Variants in KIF16B observed in about 807,000 individuals in gnomAD.
The protein encoded by KIF16B is kinesin-like protein KIF16B.
In KIF16B, 98 loss-of-function variants were observed where a neutral mutation model predicts 156.3. The observed-to-expected ratio is 0.63, with a 90% CI of 0.53 to 0.74. The LOEUF (loss-of-function observed/expected upper bound fraction) is 0.74, where lower values mean the gene tolerates loss of function less well. Ranked by LOEUF, KIF16B falls within the 30% of genes least tolerant of loss-of-function variation. The pLI is 0.00. For synonymous variants in KIF16B, 564 were observed against 583.7 expected, an observed-to-expected ratio of 0.97 and a Z score of 0.49; for missense variants, 1,421 against 1,606.5, an observed-to-expected ratio of 0.88 and a Z score of 1.97.
chr20:16,423,289 T>C (rs2066270329), intron 15 of KIF16B, among the ~76,000 whole-genome samples: 1 of 152,172 alleles, frequency 6.6e-6, no homozygotes, highest in Admixed American at 6.6e-5. Flanking sequence ...TGACTAGTTC[T>C]GTGGCAGAGT....
chr20:16,273,525 T>G, intron 25 of KIF16B, 114 bp from the exon 26 acceptor site: 1 of 774,332 alleles, frequency 1.3e-6, no homozygotes, highest in Non-Finnish European at 2.1e-6. Flanking sequence ...ACCTCATCTC[T>G]ACAAAAAATA....
chr20:16,394,001 G>A (rs1478517081), intron 17 of KIF16B, among the ~76,000 whole-genome samples: 3 of 152,206 alleles, frequency 2.0e-5, no homozygotes, highest in Non-Finnish European at 4.4e-5. Flanking sequence ...ACAAATTACA[G>A]AGCCGGTGAC....
At chr20:16,448,537 C>T (rs2066994763) in intron 12 of KIF16B, among the ~76,000 whole-genome samples, 1 of 152,110 alleles carries the variant, frequency 6.6e-6, no homozygotes, top group African/African-American at 2.4e-5. Context: ...TCCTCCTGGG[C>T]CTGGACAGGC....
chr20:16,544,880 TG>T (rs1179630449), intron 1 of KIF16B, among the ~76,000 whole-genome samples: 1 of 152,204 alleles, frequency 6.6e-6, no homozygotes, highest in Non-Finnish European at 1.5e-5. Context: ...AATGAATGAA[TG>T]TATAAGCACA....
chr20:16,470,403 G>A (rs1053662977), intron 12 of KIF16B, among the ~76,000 whole-genome samples: 2 of 152,132 alleles, frequency 1.3e-5, no homozygotes, highest in South Asian at 2.1e-4. Flanking sequence ...GGTGAGGGAT[G>A]GCAACAATGG....
intron 12 of KIF16B, among the ~76,000 whole-genome samples, chr20:16,457,835 CGGCACACT>C (rs1252442618): frequency 6.6e-6 from 1 of 151,828 alleles, no homozygotes; most frequent in Non-Finnish European, 1.5e-5. Flanking sequence ...TTAGCCACGC[CGGCACACT>C]GGTCCAAGAT....
At chr20:16,334,308 C>T (rs888810649) in intron 24 of KIF16B, among the ~76,000 whole-genome samples, 2 of 152,190 alleles carry the variant, frequency 1.3e-5, no homozygotes, top group African/African-American at 2.4e-5. Context: ...AGCTGCAAAG[C>T]TCACTTTAAA....
At position 16,374,322 on chromosome 20, in the gene KIF16B, CT is replaced by C; in HGVS notation, c.3284del (p.Lys1095ArgfsTer42). Reference protein sequence around the residue: ...QKDHHGTLEGKVASSSLPVSA... With the variant: ...QKDHHGTLEGXVASSSLPVSA... ...TGACTGGCAAGCTGGAAGAAGCCAC[CT>C]TCCCTTCCAGGGTCCCATGATGATC... On this transcript the variant is annotated frameshift_variant, in exon 20 of 26. Transcript: ENST00000354981. LOFTEE classifies it high-confidence loss of function. 1 of 1,605,368 alleles carries C rather than the reference CT, an allele frequency of 6.2e-7. No individual in the cohort carries two copies. Among genetic ancestry groups the C allele is most frequent in the Non-Finnish European group, 8.5e-7 (1 of 1,174,740 alleles).
intron 12 of KIF16B, among the ~76,000 whole-genome samples, chr20:16,442,205 C>T (rs898076769): frequency 3.9e-5 from 6 of 151,982 alleles, no homozygotes; most frequent in African/African-American, 9.7e-5. Context: ...AGCATGGTGA[C>T]TATACTTAAT....
At chr20:16,573,159 G>C in intron 1 of KIF16B, 70 bp downstream of exon 1, 3 of 1,433,956 alleles carry the variant, frequency 2.1e-6, no homozygotes, top group Non-Finnish European at 2.9e-6. Flanking sequence ...CTGGCTTTGG[G>C]GGAGCTGGAA....
At chr20:16,368,836 G>A (rs970480338) in intron 22 of KIF16B, 2 of 985,772 alleles carry the variant, frequency 2.0e-6, no homozygotes, top group African/African-American at 1.7e-5. Flanking sequence ...TTCTTGGGAC[G>A]TATGTTGCAG....
chr20:16,549,930 G>C (rs1451083956), intron 1 of KIF16B, among the ~76,000 whole-genome samples: 1 of 54,748 alleles, frequency 1.8e-5, no homozygotes, highest in Non-Finnish European at 3.5e-5. Flanking sequence ...TCAGGACATA[G>C]GCATGGGCAA....
At chr20:16,288,883 G>C (rs1321247212) in intron 25 of KIF16B, among the ~76,000 whole-genome samples, 1 of 150,176 alleles carries the variant, frequency 6.7e-6, no homozygotes, top group Non-Finnish European at 1.5e-5. Flanking sequence ...AGTAAACACA[G>C]TACGTACTGG....
At chr20:16,421,930 C>T (rs111848384) in intron 15 of KIF16B, among the ~76,000 whole-genome samples, 15 of 151,998 alleles carry the variant, frequency 9.9e-5, no homozygotes, top group African/African-American at 3.4e-4. Context: ...AAGACAATTC[C>T]GACAATTAAC....
At chr20:16,503,541 C>T (rs764666727) in intron 10 of KIF16B, among the ~76,000 whole-genome samples, 5 of 152,154 alleles carry the variant, frequency 3.3e-5, no homozygotes, top group Non-Finnish European at 4.4e-5. Flanking sequence ...AGCACTGCTC[C>T]AACGGGACCA....
intron 23 of KIF16B, among the ~76,000 whole-genome samples, chr20:16,336,594 T>C (rs576124034): frequency 6.6e-6 from 1 of 152,270 alleles, no homozygotes; most frequent in African/African-American, 2.4e-5. Context: ...TTCTGCGCTC[T>C]AGACCCACAT....
chr20:16,571,868 A>T (rs2071468090), intron 1 of KIF16B, among the ~76,000 whole-genome samples: 1 of 152,048 alleles, frequency 6.6e-6, no homozygotes, highest in Non-Finnish European at 1.5e-5. Flanking sequence ...TGACCTTGTG[A>T]TCCGCCCGCC....
Position 16,367,690 on chromosome 20 carries a change from T to G in KIF16B, c.3498+2896A>C, listed in dbSNP as rs754494587. 6 of 1,612,564 alleles carry G rather than the reference T, an allele frequency of 3.7e-6. No homozygotes were observed. In the East Asian group the frequency reaches 1.1e-4, roughly 30 times the overall value. ...GAATTTGGATGACACCTGAACTCCA[T>G]TTGGCAAAACTAAATCAGGGATTTC... On this transcript the variant is annotated intron_variant, in intron 22 of 25. Coordinates refer to ENST00000354981, the MANE Select transcript of KIF16B (RefSeq NM_024704.5).
chr20:16,312,234 C>A, intron 25 of KIF16B, 101 bp downstream of exon 25: 1 of 790,996 alleles, frequency 1.3e-6, no homozygotes, highest in South Asian at 1.7e-5. Context: ...AGCATCTTCA[C>A]ACTTGTGAAG....
Sources: gnomAD v4.1 joint callset for allele counts (sites outside exome capture counted in the v4.1 genomes callset) on GRCh38, gnomAD v4.1.1 for gene constraint, MANE v1.5 for transcripts, NCBI Gene and HGNC (gene_info 2026-07-23, HGNC 2026-07-21) for gene names.